GRIN3A: variants seen among roughly 807,000 people sequenced by gnomAD.
GRIN3A encodes the protein glutamate ionotropic receptor NMDA type subunit 3A, also known as glutamate receptor ionotropic, NMDA 3A.
A neutral mutation model predicts 92.4 loss-of-function variants in GRIN3A; 47 were observed. That is an observed-to-expected ratio of 0.51 (90% CI 0.40 to 0.65). The LOEUF (loss-of-function observed/expected upper bound fraction) is 0.65, where lower values mean the gene tolerates loss of function less well. Ranked by LOEUF, GRIN3A falls within the 30% of genes least tolerant of loss-of-function variation. The pLI, the probability that GRIN3A is intolerant of heterozygous loss-of-function variation, is 0.00. For synonymous variants in GRIN3A, 527 were observed against 540.6 expected, an observed-to-expected ratio of 0.97 and a Z score of 0.35; for missense variants, 1,324 against 1,393.1, an observed-to-expected ratio of 0.95 and a Z score of 0.79.
Position 101,670,557 on chromosome 9 carries a change from C to T in GRIN3A, c.1855G>A (p.Asp619Asn), listed in dbSNP as rs1419851518. 4 of 1,613,944 alleles carry T rather than the reference C, an allele frequency of 2.5e-6. No individual in the cohort carries two copies. The highest frequency in any genetic ancestry group is 3.4e-6 in the Non-Finnish European group (4 of 1,179,980). ...KNGHWTGLVG[D>N]LLRGTAHMAV... The stretch of plus-strand genomic sequence containing the variant: ...ATGTGGGCAGTCCCTCTCAGGAGAT[C>T]ACCCACTAGCCCAGTCCAGTGCCCA... The change falls in exon 3 of 9, where the codon GAT becomes AAT. Residue 619 changes from aspartate (D) to asparagine (N), a missense_variant. Asp to Asn is a conservative substitution (Grantham distance 23). Transcript: ENST00000361820.
At chr9:101,634,458 CTAA>C (rs1181562475) in intron 3 of GRIN3A, among the ~76,000 whole-genome samples, 2 of 150,534 alleles carry the variant, frequency 1.3e-5, no homozygotes, top group African/African-American at 4.9e-5. Context: ...AAAATAACAG[CTAA>C]TATTTTATAA....
At chr9:101,671,686 A>G (rs940965178) in intron 2 of GRIN3A, among the ~76,000 whole-genome samples, 4 of 152,194 alleles carry the variant, frequency 2.6e-5, no homozygotes, top group African/African-American at 9.7e-5. Flanking sequence ...AAATCAGTTA[A>G]CATAACTGTC....
At chr9:101,613,705 C>A (rs1828402179) in intron 5 of GRIN3A, among the ~76,000 whole-genome samples, 178 bp from the exon 6 acceptor site, 3 of 152,176 alleles carry the variant, frequency 2.0e-5, no homozygotes, top group African/African-American at 7.2e-5. Context: ...AAATCAGCTG[C>A]ATCTCTGAGT....
At chr9:101,615,291 A>G (rs918469850) in intron 5 of GRIN3A, among the ~76,000 whole-genome samples, 2 of 151,198 alleles carry the variant, frequency 1.3e-5, no homozygotes, top group Admixed American at 6.6e-5. Flanking sequence ...AAAGACTAAA[A>G]GATTGTCAAG....
chr9:101,673,117 C>G (rs1049551560), intron 2 of GRIN3A, among the ~76,000 whole-genome samples: 1 of 152,036 alleles, frequency 6.6e-6, no homozygotes. Context: ...AAGAGGAACC[C>G]TTCATTATTT....
In GRIN3A at chr9:101,687,115, C is replaced by T; in HGVS notation, c.785G>A (p.Trp262Ter). Reference protein sequence around the residue: ...VTVSILTMNNWYNFSLLLCQE... With the variant: ...VTVSILTMNN ...GCACAGCAACAAGCTAAAATTGTAC[C>T]AGTTGTTCATGGTCAGGATTGAGAC... The change falls in exon 2 of 9, where the codon TGG becomes TAG. Residue 262 changes from tryptophan to a stop codon, truncating the protein, a stop_gained. Coordinates refer to ENST00000361820, the MANE Select transcript of GRIN3A (RefSeq NM_133445.3). LOFTEE classifies it high-confidence loss of function. The T allele has an allele frequency of 1.2e-6, 2 of 1,614,024 alleles. No homozygotes were observed. The highest frequency in any genetic ancestry group is 2.2e-5 in the South Asian group (2 of 91,076).
chr9:101,661,325 G>T (rs1239065883), intron 3 of GRIN3A, among the ~76,000 whole-genome samples: 2 of 151,812 alleles, frequency 1.3e-5, no homozygotes, highest in African/African-American at 4.8e-5. Flanking sequence ...ATATGAGGTA[G>T]AAATAATACA....
chr9:101,667,302 A>G (rs1741886751), intron 3 of GRIN3A, among the ~76,000 whole-genome samples: 2 of 151,918 alleles, frequency 1.3e-5, no homozygotes, highest in African/African-American at 4.8e-5. Flanking sequence ...CAAGCAATTC[A>G]TTCTGCTCCT....
chr9:101,619,333 T>G (rs1286163636), intron 5 of GRIN3A, among the ~76,000 whole-genome samples: 2 of 152,170 alleles, frequency 1.3e-5, no homozygotes, highest in African/African-American at 4.8e-5. Flanking sequence ...TGGGTTTCCC[T>G]TAGCCTCAGC....
Position 101,738,191 on chromosome 9 carries a change from T to G in GRIN3A, c.-212A>C, listed in dbSNP as rs1335852641. On this transcript the variant is annotated 5_prime_UTR_variant, in exon 1 of 9. Coordinates refer to ENST00000361820, the MANE Select transcript of GRIN3A (RefSeq NM_133445.3). ...GATCCCGCTCCCAGGTCCCTCCGCC[T>G]GGCATCCTCTGCCCGCCCGGTCACT... 3.2e-6 allele frequency: 2 copies of G among 620,554 alleles called. No individual in the cohort carries two copies. The highest frequency in any genetic ancestry group is 5.8e-6 in the Non-Finnish European group (2 of 343,164). The allele number at this position is 620,554 out of a possible 1,614,324, so 38.4% of individuals were successfully genotyped here.
Position 101,601,288 on chromosome 9 carries a change from T to C in GRIN3A, c.2766+12088A>G, listed in dbSNP as rs545981873. Among the ~76,000 whole-genome samples the C allele has an allele frequency of 1.4e-3, 217 of 152,332 alleles. 1 individual carries two copies. Among genetic ancestry groups the C allele is most frequent in the Non-Finnish European group, 2.5e-3 (172 of 68,024 alleles). ...GAATGTTTGGCTAAGACATTTAGTCTCTACCCAGTAGGGAAAGCACACGTT... is the reference window on the plus strand; with the variant it reads ...GAATGTTTGGCTAAGACATTTAGTCCCTACCCAGTAGGGAAAGCACACGTT... On this transcript the variant is annotated intron_variant, in intron 6 of 8. Transcript: ENST00000361820.
Position 101,686,998 on chromosome 9 carries a change from A to T in GRIN3A, c.902T>A (p.Leu301His). 1 of 1,613,922 alleles carries T rather than the reference A, an allele frequency of 6.2e-7. No individual in the cohort carries two copies. Among genetic ancestry groups the T allele is most frequent in the South Asian group, 1.1e-5 (1 of 91,074 alleles). Residue 301 changes from leucine to histidine, a missense_variant, in exon 2 of 9, where the codon CTC becomes CAC. By Grantham distance (99) the Leu-to-His change is moderately conservative. Transcript: ENST00000361820. Reference sequence around the variant, plus strand: ...GCTCAAGAGGTCCTGGGTGGAGGGGAGGTTAGCGGTGATGTTGATGATAGA... The same window carrying T: ...GCTCAAGAGGTCCTGGGTGGAGGGGTGGTTAGCGGTGATGTTGATGATAGA... ...LGSIINITAN[L>H]PSTQDLLSFL...
At chr9:101,594,343 G>A in intron 6 of GRIN3A, 1 of 1,521,602 alleles carries the variant, frequency 6.6e-7, no homozygotes, top group Non-Finnish European at 8.8e-7. Context: ...TGGACGTCTT[G>A]AGCAAATCTT....
chr9:101,701,112 G>A (rs535441727), intron 1 of GRIN3A, among the ~76,000 whole-genome samples: 79 of 152,162 alleles, frequency 5.2e-4, no homozygotes, highest in African/African-American at 1.9e-3. Flanking sequence ...GGTATATGTT[G>A]GAAATGCTTA....
At chr9:101,638,404 T>C (rs989401350) in intron 3 of GRIN3A, among the ~76,000 whole-genome samples, 3 of 152,250 alleles carry the variant, frequency 2.0e-5, no homozygotes, top group African/African-American at 7.2e-5. Context: ...CTTCTCATTT[T>C]ATTCATCTGG....
chr9:101,614,149 G>T (rs1449857087), intron 5 of GRIN3A, among the ~76,000 whole-genome samples: 2 of 152,076 alleles, frequency 1.3e-5, no homozygotes, highest in Non-Finnish European at 2.9e-5. Flanking sequence ...TTTATATATT[G>T]CTTGCTGTAA....
intron 1 of GRIN3A, among the ~76,000 whole-genome samples, chr9:101,715,326 C>T (rs1328770000): frequency 3.3e-5 from 5 of 151,796 alleles, no homozygotes; most frequent in Admixed American, 3.3e-4. Flanking sequence ...GAAATACTGG[C>T]AATGCCATAT....
At chr9:101,652,170 T>C (rs797013287) in intron 3 of GRIN3A, among the ~76,000 whole-genome samples, 11 of 152,188 alleles carry the variant, frequency 7.2e-5, no homozygotes, top group African/African-American at 2.6e-4. Context: ...GTGAGGAGAC[T>C]GAGGTTCAGA....
chr9:101,728,301 A>G (rs1215111488), intron 1 of GRIN3A, among the ~76,000 whole-genome samples: 1 of 152,164 alleles, frequency 6.6e-6, no homozygotes, highest in African/African-American at 2.4e-5. Context: ...ACTGCCATCA[A>G]AGTGCTTGCT....
Sources: allele counts gnomAD v4.1 joint callset (sites outside exome capture counted in the v4.1 genomes callset), GRCh38; gene constraint gnomAD v4.1.1; transcripts MANE v1.5; gene names NCBI Gene and HGNC (gene_info 2026-07-23, HGNC 2026-07-21).